Variants in CR2 observed in about 807,000 individuals in gnomAD.
CR2 encodes complement C3d receptor 2, also known as complement receptor type 2.
Under a neutral mutation model 123.0 loss-of-function variants are expected in CR2, and 96 were observed. The observed-to-expected ratio is 0.78, with a 90% CI of 0.66 to 0.93. The LOEUF (loss-of-function observed/expected upper bound fraction) is 0.93. CR2 is among the 40% of genes least tolerant of loss of function. CR2 has a pLI of 0.00. For synonymous variants in CR2, 484 were observed against 469.5 expected (o/e 1.03, Z -0.40); for missense variants, 1,258 against 1,361.0 (o/e 0.92, Z 1.19).
In CR2 at chr1:207,476,281, A is replaced by G. The variant is rs1658436168; in HGVS notation, c.2764A>G (p.Thr922Ala). The change falls in exon 15 of 20, where the codon ACT (threonine) becomes GCT (alanine). Residue 922 changes from threonine to alanine, a missense_variant. Coordinates refer to ENST00000367057, the MANE Select transcript of CR2 (RefSeq NM_001006658.3). ...PPPKTPNGNHTGGNIARFSPG... is the reference protein window; with the variant it reads ...PPPKTPNGNHAGGNIARFSPG... ...GCCTAAGACCCCTAACGGGAACCATACTGGTGGAAACATAGCTCGATTTTC... is the reference window on the plus strand; with the variant it reads ...GCCTAAGACCCCTAACGGGAACCATGCTGGTGGAAACATAGCTCGATTTTC... The G allele has an allele frequency of 6.2e-7, 1 of 1,613,806 alleles. No individual in the cohort carries two copies. The highest frequency in any genetic ancestry group is 1.3e-5 in the African/African-American group (1 of 74,888).
chr1:207,469,740 T>C lies in CR2; in HGVS notation c.863T>C (p.Ile288Thr), dbSNP rs1658208200. Residue 288 changes from isoleucine to threonine, a missense_variant, in exon 6 of 20, where the codon ATA becomes ACA. Physicochemically the swap from Ile to Thr is moderately conservative, Grantham distance 89. Coordinates refer to ENST00000367057, the MANE Select transcript of CR2 (RefSeq NM_001006658.3). Reference protein sequence around the residue: ...SPPPILNGRHIGNSLANVSYG... With the variant: ...SPPPILNGRHTGNSLANVSYG... The stretch of plus-strand genomic sequence containing the variant: ...CCCCCTATTCTCAATGGAAGACATA[T>C]AGGCAACTCACTAGCAAATGTCTCA... The C allele has an allele frequency of 6.2e-7, 1 of 1,613,912 alleles. No individual in the cohort carries two copies. The highest frequency in any genetic ancestry group is 1.7e-5 in the Admixed American group (1 of 59,996).
Position 207,468,609 on chromosome 1 carries a change from A to G in CR2, c.528A>G (p.Gly176=). The change falls in exon 3 of 20, where the codon GGA becomes GGG. Residue 176 remains glycine (G), a synonymous_variant. Coordinates refer to ENST00000367057, the MANE Select transcript of CR2 (RefSeq NM_001006658.3). ...TSENVGSIAP[G]LSVTYSCESG... ...AGAATGTTGGCTCCATTGCTCCAGG[A>G]TTGTCTGTGACTTACAGCTGTGAAT... 1.2e-6 allele frequency: 2 copies of G among 1,614,042 alleles called. No individual in the cohort carries two copies. Among genetic ancestry groups the G allele is most frequent in the Non-Finnish European group, 1.7e-6 (2 of 1,179,972 alleles).
At chr1:207,467,473 C>T (rs926736964) in intron 2 of CR2, among the ~76,000 whole-genome samples, 3 of 151,982 alleles carry the variant, frequency 2.0e-5, no homozygotes, top group Admixed American at 6.6e-5. Context: ...TTATTCATTC[C>T]TTCTCTTTTG....
chr1:207,470,171 G>T, intron 6 of CR2, 69 bp downstream of exon 6: 3 of 1,582,568 alleles, frequency 1.9e-6, no homozygotes, highest in Non-Finnish European at 2.6e-6. Flanking sequence ...AGGGGTTGTG[G>T]GCTTTAGGTA....
intron 1 of CR2, among the ~76,000 whole-genome samples, chr1:207,464,902 G>GT (rs1265831154): frequency 6.6e-6 from 1 of 151,996 alleles, no homozygotes; most frequent in Admixed American, 6.6e-5. Context: ...TAGTTAAAGA[G>GT]TTTTTTATTG....
rs1448979042 is a variant in CR2, at chr1:207,454,584, T to C, written c.58+108T>C. The C allele has an allele frequency of 3.7e-6, 3 of 818,696 alleles. No individual in the cohort carries two copies. Among genetic ancestry groups the C allele is most frequent in the Non-Finnish European group, 5.6e-6 (3 of 538,230 alleles). The allele number at this position is 818,696 out of a possible 1,614,324, so 50.7% of individuals were successfully genotyped here. Reference sequence around the variant, plus strand: ...AAAAGCGAGACGGTGGGGGCAGTGCTCGACGCGTGTCCGCCTCCCGCTAGC... The same window carrying C: ...AAAAGCGAGACGGTGGGGGCAGTGCCCGACGCGTGTCCGCCTCCCGCTAGC... On this transcript the variant is annotated intron_variant, in intron 1 of 19. Coordinates refer to ENST00000367057, the MANE Select transcript of CR2 (RefSeq NM_001006658.3). This position sits in a 1 kb window ranked among gnomAD's most constrained non-coding sequence, Gnocchi z 4.3.
At chr1:207,471,794 GGA>G in intron 9 of CR2, 1 of 379,886 alleles carries the variant, frequency 2.6e-6, no homozygotes, top group Non-Finnish European at 5.0e-6. Context: ...ACAGTTTAGT[GGA>G]GAGAGTAAGG....
rs1189446261 is a variant in CR2, at chr1:207,462,850, A to G, written c.59-3676A>G. On this transcript the variant is annotated intron_variant, in intron 1 of 19. Transcript: ENST00000367057. Reference sequence around the variant, plus strand: ...AGATGATATCATAGATTAACAGAATATGTATAAAAATGGAAAATGAAGACT... The same window carrying G: ...AGATGATATCATAGATTAACAGAATGTGTATAAAAATGGAAAATGAAGACT... Among the ~76,000 whole-genome samples the G allele has an allele frequency of 3.3e-5, 5 of 152,338 alleles. 1 individual carries two copies. In the South Asian group the frequency reaches 8.3e-4, roughly 25 times the overall value.
intron 8 of CR2, 90 bp from the exon 9 acceptor site, chr1:207,471,333 T>G (rs1306065067): frequency 1.2e-5 from 13 of 1,069,910 alleles, no homozygotes; most frequent in Non-Finnish European, 1.8e-5. Context: ...CTTCTTGGCC[T>G]GAAAGTAGTG....
chr1:207,481,162 A>T (rs1658592645), intron 18 of CR2, among the ~76,000 whole-genome samples: 1 of 151,942 alleles, frequency 6.6e-6, no homozygotes, highest in Non-Finnish European at 1.5e-5. Flanking sequence ...ATTTTTAATT[A>T]TTTTTAAACA....
In CR2 at chr1:207,473,846, G is replaced by A; in HGVS notation, c.2201G>A (p.Gly734Asp). 1 of 1,613,936 alleles carries A rather than the reference G, an allele frequency of 6.2e-7. No homozygotes were observed. The highest frequency in any genetic ancestry group is 8.5e-7 in the Non-Finnish European group (1 of 1,179,880). ...VRQSLQELPA[G>D]SRVELVNTSC... is the part of the protein sequence containing the mutation. ...CAGAGTCTTCAAGAACTTCCAGCTG[G>A]TTCACGTGTGGAGCTAGTTAATACG... is the stretch of plus-strand genomic sequence containing the variant. Residue 734 changes from glycine (G) to aspartate (D), a missense_variant, in exon 12 of 20, where the codon GGT becomes GAT. Physicochemically the swap from Gly to Asp is moderately conservative, Grantham distance 94. Coordinates refer to ENST00000367057, the MANE Select transcript of CR2 (RefSeq NM_001006658.3).
At chr1:207,470,204 C>A in intron 6 of CR2, 102 bp downstream of exon 6, 1 of 1,288,952 alleles carries the variant, frequency 7.8e-7, no homozygotes, top group Non-Finnish European at 1.1e-6. Flanking sequence ...GTTTATACTT[C>A]CCTCAAATCT....
Position 207,468,671 on chromosome 1 carries a change from G to GT in CR2, c.593dup (p.Leu198PhefsTer14), listed in dbSNP as rs763336891. The GT allele has an allele frequency of 2.2e-5, 35 of 1,613,948 alleles. No individual in the cohort carries two copies. The highest frequency in any genetic ancestry group is 2.8e-5 in the Non-Finnish European group (33 of 1,179,970). ...CTTGTTGGAGAAAAGATCATTAACT[G>GT]TTTGTCTTCGGGAAAATGGAGTGCT... On this transcript the variant is annotated frameshift_variant, in exon 3 of 20. Coordinates refer to ENST00000367057, the MANE Select transcript of CR2 (RefSeq NM_001006658.3). LOFTEE classifies it high-confidence loss of function.
chr1:207,468,339 G>T (rs762860011), intron 2 of CR2, 188 bp from the exon 3 acceptor site: 2 of 622,732 alleles, frequency 3.2e-6, no homozygotes, highest in East Asian at 2.8e-5. Flanking sequence ...ACCATTATGA[G>T]ATTTTTTTTT....
intron 9 of CR2, among the ~76,000 whole-genome samples, chr1:207,472,271 G>A (rs369541634): frequency 8.6e-5 from 13 of 151,914 alleles, no homozygotes; most frequent in African/African-American, 2.7e-4. Context: ...AAAAAGAAAC[G>A]TAGAAAATTT....
chr1:207,463,092 C>T (rs545016841), intron 1 of CR2, among the ~76,000 whole-genome samples: 2 of 152,184 alleles, frequency 1.3e-5, no homozygotes, highest in East Asian at 3.9e-4. Flanking sequence ...CTCCTGAATC[C>T]CAGCCTCAAA....
chr1:207,454,374 C>T lies in CR2; in HGVS notation c.-45C>T, dbSNP rs1657773319. On this transcript the variant is annotated 5_prime_UTR_variant, in exon 1 of 20. Transcript: ENST00000367057. This position sits in a 1 kb window ranked among gnomAD's most constrained non-coding sequence, Gnocchi z 4.3. ...TGCCCTCCCAGAGCTGCCGGACGCT[C>T]GCGGGTCTCGGAACGCATCCCGCCG... is the stretch of plus-strand genomic sequence containing the variant. The T allele has an allele frequency of 6.5e-7, 1 of 1,529,824 alleles. No individual in the cohort carries two copies. The highest frequency in any genetic ancestry group is 2.4e-5 in the East Asian group (1 of 42,116). 94.8% of individuals were successfully genotyped at this position (1,529,824 alleles called of 1,614,324 possible).
intron 19 of CR2, among the ~76,000 whole-genome samples, chr1:207,488,389 G>A (rs1658805105): frequency 6.6e-6 from 1 of 152,194 alleles, no homozygotes; most frequent in East Asian, 1.9e-4. Context: ...ACTTTGGGAG[G>A]CCAAGGCAGG....
chr1:207,470,964 G>A, intron 7 of CR2, 33 bp from the exon 8 acceptor site: 1 of 1,613,786 alleles, frequency 6.2e-7, no homozygotes, highest in Non-Finnish European at 8.5e-7. Context: ...AGATTGCCTT[G>A]AATTAAATTC....
Sources: allele counts gnomAD v4.1 joint callset (sites outside exome capture counted in the v4.1 genomes callset), GRCh38; gene constraint gnomAD v4.1.1; non-coding constraint Gnocchi (gnomAD v3.1); transcripts MANE v1.5; gene names NCBI Gene and HGNC (gene_info 2026-07-23, HGNC 2026-07-21).